VPS13A: variants seen among roughly 807,000 people sequenced by gnomAD.
The protein encoded by VPS13A is intermembrane lipid transfer protein VPS13A.
Under a neutral mutation model 390.9 loss-of-function variants are expected in VPS13A, and 264 were observed. The ratio of observed to expected loss-of-function variants is 0.68; its 90% confidence interval spans 0.61 to 0.75. VPS13A has a LOEUF of 0.75. Among genes scored for constraint, VPS13A ranks in the 30% least tolerant of loss-of-function variants. VPS13A has a pLI of 0.00. For synonymous variants in VPS13A, 1,231 were observed against 1,227.1 expected (o/e 1.00, Z -0.07); for missense variants, 3,409 against 3,733.9 (o/e 0.91, Z 2.27).
intron 27 of VPS13A, 111 bp downstream of exon 27, chr9:77,280,349 C>CTT (rs1165329811): frequency 1.3e-5 from 11 of 859,320 alleles, no homozygotes. Flanking sequence ...AACATAATCT[C>CTT]TTTGTAACTC....
Position 77,316,212 on chromosome 9 carries a change from A to T in VPS13A, c.4669A>T (p.Ile1557Phe), listed in dbSNP as rs780659325. 6.2e-7 allele frequency: 1 copy of T among 1,612,728 alleles called. No individual in the cohort carries two copies. The highest frequency in any genetic ancestry group is 1.7e-4 in the Middle Eastern group (1 of 6,052). ...QESVKWEINV[I>F]IKNPEIVFVA... ...ATCAGTGAAGTGGGAAATTAATGTTATTATTAAAAATCCTGAAATTGTGTT... is the reference window on the plus strand; with the variant it reads ...ATCAGTGAAGTGGGAAATTAATGTTTTTATTAAAAATCCTGAAATTGTGTT... The change falls in exon 39 of 72, where the codon ATT (isoleucine) becomes TTT (phenylalanine). Residue 1557 changes from isoleucine to phenylalanine, a missense_variant. This residue lies in a region of VPS13A where 2,717 missense variants were observed against 2,917.4 expected (regional missense o/e 0.93). Coordinates refer to ENST00000360280, the MANE Select transcript of VPS13A (RefSeq NM_033305.3).
chr9:77,213,370 A>G, intron 9 of VPS13A, 56 bp downstream of exon 9: 1 of 1,373,882 alleles, frequency 7.3e-7, no homozygotes, highest in Non-Finnish European at 1.0e-6. Context: ...ATGAGGTTTA[A>G]TTCATTGTCA....
chr9:77,306,401 A>AGAGTGTGTGT (rs550279922), intron 34 of VPS13A, among the ~76,000 whole-genome samples: 4 of 107,692 alleles, frequency 3.7e-5, no homozygotes, highest in African/African-American at 1.4e-4. Context: ...AGAGAGAGAG[A>AGAGTGTGTGT]GTGTGTGTGT....
At chr9:77,287,059 T>C (rs889411861) in intron 31 of VPS13A, among the ~76,000 whole-genome samples, 2 of 151,422 alleles carry the variant, frequency 1.3e-5, no homozygotes, top group African/African-American at 2.4e-5. Flanking sequence ...ATGCAGAGGC[T>C]ATTCGGTTTA....
chr9:77,317,996 TATC>T (rs908260819), intron 40 of VPS13A, among the ~76,000 whole-genome samples: 76 of 152,032 alleles, frequency 5.0e-4, no homozygotes, highest in African/African-American at 7.9e-4. Flanking sequence ...ATATTAATAA[TATC>T]ATGTAATTCA....
chr9:77,339,992 T>C lies in VPS13A; in HGVS notation c.6774+81T>C, dbSNP rs150707383. On this transcript the variant is annotated intron_variant, in intron 48 of 71. Transcript: ENST00000360280. ...TTTTTAAAGTTCTGAGTAATAAATA[T>C]TATGAAACTTGGATAGAAATAACTT... The C allele has an allele frequency of 3.4e-4, 518 of 1,506,848 alleles. 3 individuals are homozygous for C. In the African/African-American group the frequency reaches 6.2e-3, roughly 18 times the overall value. The allele number at this position is 1,506,848 out of a possible 1,614,324, so 93.3% of individuals were successfully genotyped here.
At position 77,419,535 on chromosome 9, in the gene VPS13A, G is replaced by C. The variant is rs1296093799; in HGVS notation, c.*3529G>C. ...GAGCAGCAGATCCACAACTCAGGAA[G>C]TCTAGAGATGCTTAGCACTTCTTCT... On this transcript the variant is annotated 3_prime_UTR_variant, in exon 72 of 72. Coordinates refer to ENST00000360280, the MANE Select transcript of VPS13A (RefSeq NM_033305.3). The C allele has an allele frequency of 1.3e-5, 2 of 152,214 alleles. No individual in the cohort carries two copies. Among genetic ancestry groups the C allele is most frequent in the Non-Finnish European group, 2.9e-5 (2 of 68,038 alleles). 9.4% of individuals were successfully genotyped at this position (152,214 alleles called of 1,614,324 possible).
At chr9:77,280,367 T>A in intron 27 of VPS13A, 129 bp downstream of exon 27, 2 of 687,446 alleles carry the variant, frequency 2.9e-6, no homozygotes, top group Non-Finnish European at 4.8e-6. Context: ...CTCCTAATAC[T>A]AAGGTTTTTT....
At chr9:77,219,502 C>G (rs1228125899) in intron 10 of VPS13A, among the ~76,000 whole-genome samples, 1 of 152,072 alleles carries the variant, frequency 6.6e-6, no homozygotes, top group Non-Finnish European at 1.5e-5. Context: ...TCATCTCTCT[C>G]CTTTTACCAA....
At chr9:77,202,703 A>T (rs902761115) in intron 3 of VPS13A, among the ~76,000 whole-genome samples, 3 of 152,170 alleles carry the variant, frequency 2.0e-5, no homozygotes, top group Non-Finnish European at 1.5e-5. Flanking sequence ...AGGAGAGTAG[A>T]TAGACTATTT....
At chr9:77,207,242 T>C (rs866048661) in intron 5 of VPS13A, among the ~76,000 whole-genome samples, 9 of 110,772 alleles carry the variant, frequency 8.1e-5, no homozygotes, top group Non-Finnish European at 9.7e-5. Flanking sequence ...TATATATATA[T>C]ATATATATAT....
At chr9:77,368,757 T>G (rs1832583525) in intron 62 of VPS13A, among the ~76,000 whole-genome samples, 1 of 152,234 alleles carries the variant, frequency 6.6e-6, no homozygotes, top group Non-Finnish European at 1.5e-5. Flanking sequence ...GAAAGTATTT[T>G]AAATATTCTA....
rs922297964 is a variant in VPS13A, at chr9:77,260,944, G to A, written c.2427+720G>A. ...AACAGAGCCTATCTCTGTCACCCAAGGTGGAGTGCAGTGGCGCAATCTCGG... is the reference window on the plus strand; with the variant it reads ...AACAGAGCCTATCTCTGTCACCCAAAGTGGAGTGCAGTGGCGCAATCTCGG... On this transcript the variant is annotated intron_variant, in intron 23 of 71. Transcript: ENST00000360280. Among the ~76,000 whole-genome samples, 3 of 151,618 alleles carry A rather than the reference G, an allele frequency of 2.0e-5. No homozygotes were observed. In the South Asian group the frequency reaches 6.2e-4, roughly 32 times the overall value.
chr9:77,183,058 AT>A (rs2131049025), intron 1 of VPS13A, among the ~76,000 whole-genome samples: 1 of 152,306 alleles, frequency 6.6e-6, no homozygotes, highest in South Asian at 2.1e-4. Context: ...CTAATTCCTT[AT>A]GTATTATTTT....
At chr9:77,323,606 A>G (rs771667862) in intron 45 of VPS13A, among the ~76,000 whole-genome samples, 2 of 152,158 alleles carry the variant, frequency 1.3e-5, no homozygotes, top group Non-Finnish European at 2.9e-5. Flanking sequence ...AACTGCATAT[A>G]TTTAAAGTTG....
chr9:77,333,126 T>C (rs1331325125), intron 46 of VPS13A, among the ~76,000 whole-genome samples: 1 of 152,202 alleles, frequency 6.6e-6, no homozygotes, highest in Non-Finnish European at 1.5e-5. Flanking sequence ...AAATATGGCA[T>C]GTAAGATATA....
chr9:77,258,830 A>G (rs770481039), intron 22 of VPS13A, among the ~76,000 whole-genome samples: 47 of 152,090 alleles, frequency 3.1e-4, no homozygotes, highest in Admixed American at 1.6e-3. Context: ...AGCATAGTTT[A>G]AGTACTTTTC....
Position 77,273,348 on chromosome 9 carries a change from A to G in VPS13A, c.2496A>G (p.Pro832=), listed in dbSNP as rs148754839. The change falls in exon 24 of 72, where the codon CCA becomes CCG. Residue 832 remains proline (P), a synonymous_variant. Coordinates refer to ENST00000360280, the MANE Select transcript of VPS13A (RefSeq NM_033305.3). The part of the protein sequence containing the change: ...SQKIIPLLEL[P]SVSEDDSEEE... Reference sequence around the variant, plus strand: ...AAATAATTCCTCTCTTGGAACTTCCATCTGTTTCTGAAGATGGTAAAATGA... The same window carrying G: ...AAATAATTCCTCTCTTGGAACTTCCGTCTGTTTCTGAAGATGGTAAAATGA... The G allele has an allele frequency of 1.2e-6, 2 of 1,610,226 alleles. No homozygotes were observed. Among genetic ancestry groups the G allele is most frequent in the Middle Eastern group, 1.7e-4 (1 of 6,032 alleles).
intron 1 of VPS13A, among the ~76,000 whole-genome samples, chr9:77,178,530 A>G (rs1823799261): frequency 6.6e-6 from 1 of 152,182 alleles, no homozygotes; most frequent in Non-Finnish European, 1.5e-5. Context: ...TGTGGGTCAG[A>G]GTGAATTGCC....
Sources: allele counts gnomAD v4.1 joint callset (sites outside exome capture counted in the v4.1 genomes callset), GRCh38; gene constraint gnomAD v4.1.1; regional missense constraint gnomAD v4.1.1; transcripts MANE v1.5; gene names NCBI Gene and HGNC (gene_info 2026-07-23, HGNC 2026-07-21).